The following PPM1E variants were observed in gnomAD, a reference collection of about 807,000 sequenced individuals.
The protein encoded by PPM1E is protein phosphatase, Mg2+/Mn2+ dependent 1E.
PPM1E carries 20 observed loss-of-function variants against 65.9 expected under a neutral mutation model. That is an observed-to-expected ratio of 0.30 (90% confidence interval 0.21 to 0.44). The LOEUF is 0.44. PPM1E is among the 20% of genes least tolerant of loss of function. The probability of loss-of-function intolerance (pLI) is 1.00; values close to 1 mark genes in which losing one functional copy is unlikely to be tolerated. For synonymous variants in PPM1E, 352 were observed against 374.9 expected (o/e 0.94, Z 0.70); for missense variants, 713 against 953.1 (o/e 0.75, Z 3.32).
At chr17:58,849,535 T>C (rs1013213846) in intron 1 of PPM1E, among the ~76,000 whole-genome samples, 5 of 152,206 alleles carry the variant, frequency 3.3e-5, no homozygotes, top group African/African-American at 1.2e-4. Context: ...ATGTACCCAG[T>C]AGTCATTCAG....
intron 3 of PPM1E, 116 bp downstream of exon 3, chr17:58,966,009 G>A: frequency 3.6e-6 from 4 of 1,100,312 alleles, no homozygotes; most frequent in Non-Finnish European, 5.2e-6. Flanking sequence ...TGGTAGATTA[G>A]AGTAGGGCTA....
intron 1 of PPM1E, among the ~76,000 whole-genome samples, chr17:58,770,046 G>GA (rs1435769142): frequency 2.0e-5 from 3 of 151,620 alleles, no homozygotes; most frequent in Non-Finnish European, 4.4e-5. Context: ...ACAACAACAA[G>GA]AAAAAACCAG....
chr17:58,828,221 T>C (rs976683064), intron 1 of PPM1E, among the ~76,000 whole-genome samples: 2 of 151,180 alleles, frequency 1.3e-5, no homozygotes, highest in African/African-American at 4.8e-5. Flanking sequence ...TCTCAAATAG[T>C]AATAATAATA....
intron 1 of PPM1E, among the ~76,000 whole-genome samples, chr17:58,902,260 T>C (rs2051507487): frequency 6.6e-6 from 1 of 152,132 alleles, no homozygotes; most frequent in African/African-American, 2.4e-5. Context: ...AGTGTAAGAA[T>C]TTTTTTCAAT....
chr17:58,802,399 T>C (rs2050267399), intron 1 of PPM1E, among the ~76,000 whole-genome samples: 1 of 152,204 alleles, frequency 6.6e-6, no homozygotes, highest in South Asian at 2.1e-4. Flanking sequence ...CTATGTCTGT[T>C]TTTATGCCAG....
chr17:58,901,280 T>A (rs2051495095), intron 1 of PPM1E, among the ~76,000 whole-genome samples: 1 of 152,264 alleles, frequency 6.6e-6, no homozygotes, highest in Admixed American at 6.5e-5. Context: ...ACCTTGACTT[T>A]GATCAATAGT....
chr17:58,937,790 G>C lies in PPM1E; in HGVS notation c.465-17859G>C, dbSNP rs182463888. Among the ~76,000 whole-genome samples the C allele has an allele frequency of 5.0e-3, 731 of 145,286 alleles. 3 individuals carry two copies. The highest frequency in any genetic ancestry group is 0.017 in the African/African-American group (681 of 39,586). On this transcript the variant is annotated intron_variant, in intron 1 of 6. Transcript: ENST00000308249. ...AGCTACTCAGGAGGCTGAGGCAGGAGAATTGCTTGAACCCGGGAGGTGGAG... is the reference window on the plus strand; with the variant it reads ...AGCTACTCAGGAGGCTGAGGCAGGACAATTGCTTGAACCCGGGAGGTGGAG...
At chr17:58,774,119 G>A (rs983791925) in intron 1 of PPM1E, among the ~76,000 whole-genome samples, 13 of 151,268 alleles carry the variant, frequency 8.6e-5, no homozygotes, top group African/African-American at 2.7e-4. Flanking sequence ...CTGAGATCGC[G>A]CCATTGCACT....
chr17:58,983,722 G>C lies in PPM1E; in HGVS notation c.*2691G>C, dbSNP rs7502088. On this transcript the variant is annotated 3_prime_UTR_variant, in exon 7 of 7. Transcript: ENST00000308249. ...ATTCATTGTGTAATTTAGTGGTGGT[G>C]AAAGTTCTACACTCAATCCTTAAAG... 1.3e-5 allele frequency: 2 copies of C among 152,614 alleles called. No individual in the cohort carries two copies. The highest frequency in any genetic ancestry group is 4.8e-5 in the African/African-American group (2 of 41,450). 9.5% of individuals were successfully genotyped at this position (152,614 alleles called of 1,614,324 possible). A position where few individuals can be genotyped will look rare whatever the true frequency, so the allele number is the denominator to read the frequency against.
At chr17:58,825,006 C>T (rs1348992646) in intron 1 of PPM1E, among the ~76,000 whole-genome samples, 2 of 151,840 alleles carry the variant, frequency 1.3e-5, no homozygotes, top group Non-Finnish European at 2.9e-5. Flanking sequence ...ACACAATGGA[C>T]TTTGGAAACT....
In PPM1E at chr17:58,983,604, TA is replaced by T. The variant is rs1287627190; in HGVS notation, c.*2578del. On this transcript the variant is annotated 3_prime_UTR_variant, in exon 7 of 7. Coordinates refer to ENST00000308249, the MANE Select transcript of PPM1E (RefSeq NM_014906.5). Reference sequence around the variant, plus strand: ...TTAATGATGGTGTACCTGGTGATTGTAAAAATATTAGACAGATATAAAAGTA... The same window carrying T: ...TTAATGATGGTGTACCTGGTGATTGTAAAATATTAGACAGATATAAAAGTA... 2 of 152,652 alleles carry T rather than the reference TA, an allele frequency of 1.3e-5. No homozygotes were observed. Among genetic ancestry groups the T allele is most frequent in the African/African-American group, 4.8e-5 (2 of 41,456 alleles). The allele number at this position is 152,652 out of a possible 1,614,324, so 9.5% of individuals were successfully genotyped here. A position where few individuals can be genotyped will look rare whatever the true frequency, so the allele number is the denominator to read the frequency against.
rs2143846008 is a variant in PPM1E, at chr17:58,982,667, G to C, written c.*1636G>C. The C allele has an allele frequency of 2.1e-6, 1 of 478,834 alleles. No homozygotes were observed. The highest frequency in any genetic ancestry group is 2.0e-5 in the African/African-American group (1 of 51,062). 29.7% of individuals were successfully genotyped at this position (478,834 alleles called of 1,614,324 possible). The stretch of plus-strand genomic sequence containing the variant: ...GCAATGATCAGATTGTTAATCTACA[G>C]ATTTTATTTTTTAAAATTTGGATGT... On this transcript the variant is annotated 3_prime_UTR_variant, in exon 7 of 7. Transcript: ENST00000308249.
At chr17:58,947,297 C>T (rs1434804958) in intron 1 of PPM1E, among the ~76,000 whole-genome samples, 2 of 136,212 alleles carry the variant, frequency 1.5e-5, no homozygotes, top group Non-Finnish European at 3.0e-5. Context: ...AGTGCAGTGA[C>T]GTGATCTCAG....
chr17:58,834,256 TA>T (rs2050632785), intron 1 of PPM1E, among the ~76,000 whole-genome samples: 1 of 152,158 alleles, frequency 6.6e-6, no homozygotes, highest in Admixed American at 6.5e-5. Context: ...CTTACTTATT[TA>T]CAGTTGAGGT....
intron 1 of PPM1E, among the ~76,000 whole-genome samples, chr17:58,944,376 G>T (rs1457450135): frequency 2.0e-5 from 3 of 151,982 alleles, no homozygotes; most frequent in African/African-American, 7.3e-5. Flanking sequence ...TTAAAAAAGT[G>T]TACAATTCAA....
intron 1 of PPM1E, among the ~76,000 whole-genome samples, chr17:58,833,083 C>T (rs1390138587): frequency 1.3e-5 from 2 of 151,850 alleles, no homozygotes; most frequent in Non-Finnish European, 2.9e-5. Context: ...GCCTCAGCCT[C>T]ACAAGATTTC....
intron 6 of PPM1E, among the ~76,000 whole-genome samples, chr17:58,977,767 G>C (rs2031104423): frequency 6.6e-6 from 1 of 152,040 alleles, no homozygotes; most frequent in Admixed American, 6.6e-5. Context: ...TTTTGAGACA[G>C]AGTCTCCCTC....
At chr17:58,925,758 T>C (rs967621347) in intron 1 of PPM1E, among the ~76,000 whole-genome samples, 6 of 152,122 alleles carry the variant, frequency 3.9e-5, no homozygotes, top group African/African-American at 1.4e-4. Context: ...TTTAAGTTCT[T>C]TGTTGATTCT....
chr17:58,945,474 G>A (rs1663808042), intron 1 of PPM1E, among the ~76,000 whole-genome samples: 1 of 152,276 alleles, frequency 6.6e-6, no homozygotes, highest in South Asian at 2.1e-4. Context: ...AGTGTGTGGG[G>A]TTTTCCCACC....
Sources: allele counts gnomAD v4.1 joint callset (sites outside exome capture counted in the v4.1 genomes callset), GRCh38; gene constraint gnomAD v4.1.1; transcripts MANE v1.5; gene names NCBI Gene and HGNC (gene_info 2026-07-23, HGNC 2026-07-21).